The following TBCD variants were observed in gnomAD, a reference collection of about 807,000 sequenced individuals.
The protein encoded by TBCD is tubulin folding cofactor D.
Under a neutral mutation model 169.3 loss-of-function variants are expected in TBCD, and 105 were observed. That is an observed-to-expected ratio of 0.62 (90% CI 0.53 to 0.73). TBCD has a LOEUF of 0.73. Among genes scored for constraint, TBCD ranks in the 30% least tolerant of loss-of-function variants. The probability of loss-of-function intolerance (pLI) is 0.00; values close to 1 mark genes in which losing one functional copy is unlikely to be tolerated. For missense variants in TBCD, 1,444 were observed against 1,600.1 expected (o/e 0.90, Z 1.66); for synonymous variants, 700 against 643.9 (o/e 1.09, Z -1.32).
At chr17:82,917,017 T>TCC (rs1451685178) in intron 23 of TBCD, among the ~76,000 whole-genome samples, 4 of 49,000 alleles carry the variant, frequency 8.2e-5, no homozygotes, top group Non-Finnish European at 1.6e-4. Flanking sequence ...TTTTTTTCTT[T>TCC]TCTTTTCTTT....
chr17:82,784,997 G>A (rs1156930181), intron 7 of TBCD, among the ~76,000 whole-genome samples: 1 of 144,208 alleles, frequency 6.9e-6, no homozygotes, highest in South Asian at 2.3e-4. Context: ...CGGGAGGGGG[G>A]TCCATGCTGT....
chr17:82,944,486 A>AAGAT lies in TBCD; in HGVS notation c.*2025_*2028dup, dbSNP rs1367347759. ...CAGGCAACACTGAGTGCTATGAACA[A>AAGAT]AGATAAAGTGGGCAATGGAATGGCA... On this transcript the variant is annotated 3_prime_UTR_variant, in exon 39 of 39. Coordinates refer to ENST00000355528, the MANE Select transcript of TBCD (RefSeq NM_005993.5). 3.3e-5 allele frequency: 5 copies of AAGAT among 152,268 alleles called. No individual in the cohort carries two copies. Among genetic ancestry groups the AAGAT allele is most frequent in the Non-Finnish European group, 2.9e-5 (2 of 68,072 alleles). 9.4% of individuals were successfully genotyped at this position (152,268 alleles called of 1,614,324 possible). A position where few individuals can be genotyped will look rare whatever the true frequency, so the allele number is the denominator to read the frequency against.
chr17:82,945,262 T>C lies in TBCD; in HGVS notation c.*2799T>C, dbSNP rs1225553753. 3 of 152,210 alleles carry C rather than the reference T, an allele frequency of 2.0e-5. No individual in the cohort carries two copies. The highest frequency in any genetic ancestry group is 4.8e-5 in the African/African-American group (2 of 41,452). 9.4% of individuals were successfully genotyped at this position (152,210 alleles called of 1,614,324 possible). A position where few individuals can be genotyped will look rare whatever the true frequency, so the allele number is the denominator to read the frequency against. ...ACATTATCCAGAGAACTGGAAGATATGACAGCAACATCAAGAGACATTGAA... is the reference window on the plus strand; with the variant it reads ...ACATTATCCAGAGAACTGGAAGATACGACAGCAACATCAAGAGACATTGAA... On this transcript the variant is annotated 3_prime_UTR_variant, in exon 39 of 39. Transcript: ENST00000355528.
rs183028133 is a variant in TBCD, at chr17:82,917,502, C to T, written c.2039-3054C>T. On this transcript the variant is annotated intron_variant, in intron 23 of 38. Coordinates refer to ENST00000355528, the MANE Select transcript of TBCD (RefSeq NM_005993.5). The stretch of plus-strand genomic sequence containing the variant: ...AGCCTCTGTGGCTGTTTCTGAAGGA[C>T]GGTATATCATACATGAAAAGCATCT... Among the ~76,000 whole-genome samples, 584 of 152,164 alleles carry T rather than the reference C, an allele frequency of 3.8e-3. 5 individuals are homozygous for T. The highest frequency in any genetic ancestry group is 0.014 in the African/African-American group (565 of 41,498).
At chr17:82,757,996 G>C (rs2047494074) in intron 2 of TBCD, among the ~76,000 whole-genome samples, 1 of 152,134 alleles carries the variant, frequency 6.6e-6, no homozygotes, top group Non-Finnish European at 1.5e-5. Context: ...CTTTATTCTT[G>C]CCAGACCTCT....
chr17:82,870,421 C>A (rs745317108), intron 14 of TBCD, 41 bp downstream of exon 14: 1 of 1,593,858 alleles, frequency 6.3e-7, no homozygotes, highest in Non-Finnish European at 8.6e-7. Context: ...CGCCGTGCCC[C>A]CTGACGGCGC....
At chr17:82,787,201 T>A (rs1216674550) in intron 7 of TBCD, among the ~76,000 whole-genome samples, 1 of 152,206 alleles carries the variant, frequency 6.6e-6, no homozygotes, top group Non-Finnish European at 1.5e-5. Flanking sequence ...CGTGCTGTCC[T>A]GCCGTTTAGG....
intron 24 of TBCD, 153 bp from the exon 25 acceptor site, chr17:82,921,348 A>G: frequency 1.5e-6 from 1 of 671,676 alleles, no homozygotes; most frequent in Non-Finnish European, 2.7e-6. Context: ...ACTTAACACA[A>G]CGTGGAGAAT....
intron 4 of TBCD, 144 bp from the exon 5 acceptor site, chr17:82,768,276 C>A: frequency 1.0e-6 from 1 of 973,422 alleles, no homozygotes; most frequent in Non-Finnish European, 1.5e-6. Context: ...GAACGGCTTG[C>A]ATTTCTGGCC....
rs11077949 is a variant in TBCD at position 82,938,239 on chromosome 17, C to T, written c.3369+103C>T. The T allele has an allele frequency of 0.2, 260,162 of 1,332,032 alleles. 26,710 individuals are homozygous for T. The highest frequency in any genetic ancestry group is 0.24 in the Admixed American group (12,226 of 50,164). The allele number at this position is 1,332,032 out of a possible 1,614,324, so 82.5% of individuals were successfully genotyped here. A position where few individuals can be genotyped will look rare whatever the true frequency, so the allele number is the denominator to read the frequency against. ...CTGTTGTGTTGGTGTGCTTTCCAGC[C>T]GAGCCCCTCTCGTTAACGCGCCTGG... On this transcript the variant is annotated intron_variant, in intron 36 of 38. Coordinates refer to ENST00000355528, the MANE Select transcript of TBCD (RefSeq NM_005993.5).
intron 20 of TBCD, among the ~76,000 whole-genome samples, chr17:82,907,184 T>A (rs907053256): frequency 2.6e-5 from 4 of 152,248 alleles, no homozygotes; most frequent in African/African-American, 9.6e-5. Flanking sequence ...GGGGGCCTCA[T>A]GAGGCAGGGC....
rs151325832 is a variant in TBCD at position 82,878,963 on chromosome 17, T to C, written c.1476-5182T>C. The stretch of plus-strand genomic sequence containing the variant: ...ATTGTTACTAGTTTTGTTTGAGTTA[T>C]AATCTAACACTAACTATTGTTATTA... On this transcript the variant is annotated intron_variant, in intron 14 of 38. Coordinates refer to ENST00000355528, the MANE Select transcript of TBCD (RefSeq NM_005993.5). Among the ~76,000 whole-genome samples the C allele has an allele frequency of 2.4e-4, 37 of 152,360 alleles. No individual in the cohort carries two copies. In the East Asian group the frequency reaches 7.1e-3, roughly 29 times the overall value.
chr17:82,924,885 C>T, intron 26 of TBCD, 54 bp from the exon 27 acceptor site: 1 of 1,428,922 alleles, frequency 7.0e-7, no homozygotes, highest in East Asian at 2.5e-5. Flanking sequence ...TCGGGTGTGG[C>T]TGTACACGAT....
chr17:82,859,622 G>A, intron 13 of TBCD: 1 of 985,470 alleles, frequency 1.0e-6, no homozygotes, highest in Non-Finnish European at 1.2e-6. Context: ...CCTGTAGTGA[G>A]GACAAAGAGT....
At chr17:82,938,208 C>T in intron 36 of TBCD, 72 bp downstream of exon 36, 11 of 1,483,580 alleles carry the variant, frequency 7.4e-6, no homozygotes, top group Non-Finnish European at 1.0e-5. Flanking sequence ...AAGGCCTTCG[C>T]TGGCACTGTT....
At chr17:82,872,384 G>A (rs987171572) in intron 14 of TBCD, among the ~76,000 whole-genome samples, 1 of 152,250 alleles carries the variant, frequency 6.6e-6, no homozygotes. Flanking sequence ...TGGCAGCGCT[G>A]CTGGGCAGGG....
chr17:82,939,667 C>T (rs74329832), intron 37 of TBCD, among the ~76,000 whole-genome samples, 191 bp downstream of exon 37: 1,918 of 152,314 alleles, frequency 0.013, 41 homozygotes, highest in African/African-American at 0.045. Flanking sequence ...TCTCAACCGC[C>T]CTGTCCCCAA....
At chr17:82,885,388 T>A (rs1244550906) in intron 15 of TBCD, among the ~76,000 whole-genome samples, 2 of 152,170 alleles carry the variant, frequency 1.3e-5, no homozygotes, top group Non-Finnish European at 1.5e-5. Context: ...TAGCTTCTGG[T>A]GGTCTGCCTG....
Position 82,833,255 on chromosome 17 carries a change from G to A in TBCD, c.1318+18321G>A, listed in dbSNP as rs1464502950. On this transcript the variant is annotated intron_variant, in intron 13 of 38. Transcript: ENST00000355528. The surrounding 1 kb of genome is among the most constrained non-coding windows in gnomAD (Gnocchi z 4.7). Reference sequence around the variant, plus strand: ...ACCTGCTGGCTGGGAGCTCTCCCAAGTGCTGTGCGCCCCTGCCGTCGGCCT... The same window carrying A: ...ACCTGCTGGCTGGGAGCTCTCCCAAATGCTGTGCGCCCCTGCCGTCGGCCT... Among the ~76,000 whole-genome samples the A allele has an allele frequency of 6.6e-6, 1 of 152,118 alleles. No homozygotes were observed. The highest frequency in any genetic ancestry group is 1.5e-5 in the Non-Finnish European group (1 of 68,030).
Sources: gnomAD v4.1 joint callset for allele counts (sites outside exome capture counted in the v4.1 genomes callset) on GRCh38, gnomAD v4.1.1 for gene constraint, Gnocchi (gnomAD v3.1) non-coding constraint, MANE v1.5 for transcripts, NCBI Gene and HGNC (gene_info 2026-07-23, HGNC 2026-07-21) for gene names.